The following TANC2 variants were observed in gnomAD, a reference collection of about 807,000 sequenced individuals.
TANC2 encodes the protein tetratricopeptide repeat, ankyrin repeat and coiled-coil containing 2.
In TANC2, 26 loss-of-function variants were observed where a neutral mutation model predicts 210.5. The ratio of observed to expected loss-of-function variants is 0.12; its 90% CI spans 0.09 to 0.17. TANC2 has a LOEUF of 0.17. TANC2 is among the 10% of genes least tolerant of loss of function. The pLI is 1.00. For synonymous variants in TANC2, 931 were observed against 967.1 expected, an observed-to-expected ratio of 0.96 and a Z score of 0.69; for missense variants, 2,129 against 2,608.9, an observed-to-expected ratio of 0.82 and a Z score of 4.01.
intron 4 of TANC2, among the ~76,000 whole-genome samples, chr17:63,131,824 C>T (rs1338710064): frequency 6.6e-6 from 1 of 152,124 alleles, no homozygotes; most frequent in Non-Finnish European, 1.5e-5. Context: ...CTGTAAGACT[C>T]GCCAGCCTAC....
chr17:63,200,016 T>G (rs918984477), intron 6 of TANC2, among the ~76,000 whole-genome samples: 2 of 152,198 alleles, frequency 1.3e-5, no homozygotes, highest in Non-Finnish European at 2.9e-5. Context: ...CATTAAGAAC[T>G]TTATTTCTTC....
At chr17:63,046,846 A>G (rs888447565) in intron 2 of TANC2, among the ~76,000 whole-genome samples, 4 of 152,320 alleles carry the variant, frequency 2.6e-5, no homozygotes, top group East Asian at 3.9e-4. Context: ...GAATATTTAC[A>G]TAATATATGA....
intron 1 of TANC2, among the ~76,000 whole-genome samples, chr17:62,990,254 T>C (rs1366492811): frequency 6.6e-6 from 1 of 152,022 alleles, no homozygotes; most frequent in Non-Finnish European, 1.5e-5. Flanking sequence ...AGGCAATGGA[T>C]GAACTAGGAG....
intron 14 of TANC2, among the ~76,000 whole-genome samples, chr17:63,365,480 C>T (rs2047083325): frequency 6.6e-6 from 1 of 152,216 alleles, no homozygotes; most frequent in Admixed American, 6.5e-5. Context: ...TCTCCACCAG[C>T]AGCCAGAGCA....
chr17:63,221,846 T>A (rs1315092801), intron 7 of TANC2, among the ~76,000 whole-genome samples: 1 of 152,194 alleles, frequency 6.6e-6, no homozygotes, highest in Non-Finnish European at 1.5e-5. Flanking sequence ...AGGCATTCTT[T>A]TATAAAGTTC....
exon 22 of TANC2, chr17:63,411,636 A>C: frequency 6.2e-7 from 1 of 1,613,908 alleles, no homozygotes; most frequent in South Asian, 1.1e-5. Flanking sequence ...TGCTGACAAG[A>C]ATGGCCGTAC....
intron 7 of TANC2, among the ~76,000 whole-genome samples, chr17:63,222,349 T>C (rs2042216284): frequency 6.6e-6 from 1 of 152,144 alleles, no homozygotes; most frequent in Non-Finnish European, 1.5e-5. Flanking sequence ...GCCATCAAAC[T>C]AGCAAATGTA....
intron 14 of TANC2, among the ~76,000 whole-genome samples, chr17:63,368,426 A>C (rs1286125612): frequency 2.6e-5 from 4 of 152,242 alleles, no homozygotes; most frequent in Non-Finnish European, 5.9e-5. Context: ...ATTACCAGCA[A>C]ATAACTGACA....
At chr17:63,388,955 T>C (rs1219605271) in intron 16 of TANC2, among the ~76,000 whole-genome samples, 198 bp downstream of exon 16, 2 of 152,206 alleles carry the variant, frequency 1.3e-5, no homozygotes, top group African/African-American at 4.8e-5. Context: ...TTAACTTCTA[T>C]AAGCTGACTC....
At chr17:63,270,353 TTTA>T (rs1220849207) in intron 9 of TANC2, among the ~76,000 whole-genome samples, 1 of 152,222 alleles carries the variant, frequency 6.6e-6, no homozygotes, top group Non-Finnish European at 1.5e-5. Context: ...TTGGCAAGCC[TTTA>T]TAATATGTGA....
intron 1 of TANC2, among the ~76,000 whole-genome samples, chr17:62,999,570 A>G (rs910145921): frequency 1.3e-5 from 2 of 152,150 alleles, no homozygotes; most frequent in Non-Finnish European, 2.9e-5. Context: ...AGAGACTTAG[A>G]TAACCAACAC....
intron 8 of TANC2, among the ~76,000 whole-genome samples, chr17:63,250,783 A>G (rs1384697451): frequency 6.6e-6 from 1 of 152,172 alleles, no homozygotes; most frequent in Non-Finnish European, 1.5e-5. Flanking sequence ...TATTGCTGGG[A>G]AAAGTAATGT....
intron 9 of TANC2, among the ~76,000 whole-genome samples, chr17:63,289,023 T>C (rs1476959603): frequency 6.6e-6 from 1 of 152,194 alleles, no homozygotes; most frequent in African/African-American, 2.4e-5. Flanking sequence ...CCCTCTCTTC[T>C]TGCTTGCTTG....
rs750381221 is a variant in TANC2 at position 63,389,573 on chromosome 17, C to T, written c.3051+29C>T. 19 of 1,566,042 alleles carry T rather than the reference C, an allele frequency of 1.2e-5. No homozygotes were observed. The African/African-American group carries it at 2.4e-4, about 20-fold the overall frequency. On this transcript the variant is annotated intron_variant, in intron 17 of 27. Transcript: ENST00000689528. ...CTGGCTGCCCAGCTCTGCTGCTTTT[C>T]TTCCCTTTTTCTTTATTTTCGATGC...
At chr17:63,136,057 T>A (rs1389716749) in intron 4 of TANC2, among the ~76,000 whole-genome samples, 2 of 152,226 alleles carry the variant, frequency 1.3e-5, no homozygotes, top group African/African-American at 2.4e-5. Flanking sequence ...TAAAGAGATG[T>A]CATTTACAAC....
chr17:63,047,729 A>G (rs1221208406), intron 2 of TANC2, among the ~76,000 whole-genome samples: 1 of 152,214 alleles, frequency 6.6e-6, no homozygotes, highest in Non-Finnish European at 1.5e-5. Flanking sequence ...GAAGAAAAAT[A>G]TCTTTTCTTC....
chr17:63,425,528 A>T (rs774021951), exon 28 of TANC2: 1 of 152,254 alleles, frequency 6.6e-6, no homozygotes, highest in Admixed American at 6.5e-5. Context: ...AGTCACGTAC[A>T]GTGGGCTATG....
chr17:63,223,731 G>A (rs1028872266), intron 7 of TANC2, among the ~76,000 whole-genome samples: 5 of 152,072 alleles, frequency 3.3e-5, no homozygotes, highest in African/African-American at 4.8e-5. Flanking sequence ...GGCGGCAGTG[G>A]AGTGTCTTTA....
intron 2 of TANC2, among the ~76,000 whole-genome samples, chr17:63,013,305 G>GTTATTTATT (rs2033956136): frequency 6.6e-6 from 1 of 151,900 alleles, no homozygotes; most frequent in Non-Finnish European, 1.5e-5. Context: ...ATTTTACAAC[G>GTTATTTATT]TTATTTATTG....
Sources: gnomAD v4.1 joint callset for allele counts (sites outside exome capture counted in the v4.1 genomes callset) on GRCh38, gnomAD v4.1.1 for gene constraint, MANE v1.5 for transcripts, NCBI Gene and HGNC (gene_info 2026-07-23, HGNC 2026-07-21) for gene names.